The following NKAIN2 variants were observed in gnomAD, a reference collection of about 807,000 sequenced individuals.
NKAIN2 encodes the protein sodium/potassium-transporting ATPase subunit beta-1-interacting protein 2.
Under a neutral mutation model 32.6 loss-of-function variants are expected in NKAIN2, and 14 were observed. That is an observed-to-expected ratio of 0.43 (90% CI 0.28 to 0.67). The LOEUF is 0.67. Ranked by LOEUF, NKAIN2 falls within the 30% of genes least tolerant of loss-of-function variation. NKAIN2 has a pLI of 0.17. For missense variants in NKAIN2, 198 were observed against 258.3 expected (o/e 0.77, Z 1.60); for synonymous variants, 80 against 87.2 (o/e 0.92, Z 0.46).
intron 1 of NKAIN2, among the ~76,000 whole-genome samples, chr6:124,121,174 C>G (rs1338420626): frequency 1.3e-5 from 2 of 151,992 alleles, no homozygotes; most frequent in Non-Finnish European, 2.9e-5. Context: ...CTCACCTTGC[C>G]CTGCCATCTT....
At chr6:124,809,919 C>G (rs1300971304) in intron 5 of NKAIN2, among the ~76,000 whole-genome samples, 2 of 152,106 alleles carry the variant, frequency 1.3e-5, no homozygotes, top group African/African-American at 2.4e-5. Context: ...AAATGCAAAT[C>G]AAAACCACAA....
intron 3 of NKAIN2, among the ~76,000 whole-genome samples, chr6:124,487,637 T>C (rs1172525546): frequency 6.6e-6 from 1 of 152,184 alleles, no homozygotes; most frequent in African/African-American, 2.4e-5. Context: ...TGTCCATTTT[T>C]ATCAAAGGGA....
intron 4 of NKAIN2, among the ~76,000 whole-genome samples, chr6:124,700,567 A>G (rs1028704708): frequency 9.9e-5 from 15 of 152,156 alleles, no homozygotes; most frequent in Non-Finnish European, 1.9e-4. Context: ...TCAAAAATGA[A>G]CTAATAATTA....
rs182603017 is a variant in NKAIN2 at position 124,291,408 on chromosome 6, A to G, written c.192+8266A>G. Among the ~76,000 whole-genome samples the G allele has an allele frequency of 2.9e-3, 440 of 152,170 alleles. 2 individuals carry two copies. Among genetic ancestry groups the G allele is most frequent in the African/African-American group, 0.01 (426 of 41,552 alleles). ...ACTTTGTTGTGGCTCAGAAAATCAT[A>G]TTCAATGTATGGCAATTTTGAATGA... On this transcript the variant is annotated intron_variant, in intron 2 of 6. Coordinates refer to ENST00000368417, the MANE Select transcript of NKAIN2 (RefSeq NM_001040214.3).
intron 4 of NKAIN2, among the ~76,000 whole-genome samples, chr6:124,705,086 G>A (rs1043410507): frequency 4.6e-5 from 7 of 151,978 alleles, no homozygotes; most frequent in Non-Finnish European, 1.0e-4. Flanking sequence ...ATATGGCTTG[G>A]AAAGAAACTA....
chr6:124,294,509 A>G (rs1265644726), intron 2 of NKAIN2, among the ~76,000 whole-genome samples: 2 of 152,200 alleles, frequency 1.3e-5, no homozygotes, highest in Non-Finnish European at 1.5e-5. Context: ...TGACCACACC[A>G]GCAAAACTGA....
intron 1 of NKAIN2, among the ~76,000 whole-genome samples, chr6:123,941,889 C>T (rs1475346441): frequency 6.6e-6 from 1 of 151,840 alleles, no homozygotes; most frequent in Non-Finnish European, 1.5e-5. Context: ...TTACCAATCC[C>T]TTCCCTGCAG....
chr6:123,968,827 A>G (rs566992190), intron 1 of NKAIN2, among the ~76,000 whole-genome samples: 1 of 152,182 alleles, frequency 6.6e-6, no homozygotes, highest in South Asian at 2.1e-4. Context: ...GCCTTCAGTG[A>G]TTGTCCCAGG....
intron 3 of NKAIN2, among the ~76,000 whole-genome samples, chr6:124,505,884 G>GT (rs1360230916): frequency 6.6e-6 from 1 of 152,020 alleles, no homozygotes; most frequent in African/African-American, 2.4e-5. Flanking sequence ...TATTAAGATT[G>GT]TTTCCCGGGC....
intron 2 of NKAIN2, among the ~76,000 whole-genome samples, chr6:124,349,077 A>G (rs1159739311): frequency 6.6e-6 from 1 of 152,058 alleles, no homozygotes; most frequent in Non-Finnish European, 1.5e-5. Context: ...AACTGATTAT[A>G]TTATTGTTGT....
At chr6:124,054,374 C>T (rs952868160) in intron 1 of NKAIN2, among the ~76,000 whole-genome samples, 2 of 152,062 alleles carry the variant, frequency 1.3e-5, no homozygotes, top group African/African-American at 4.8e-5. Context: ...AAGGCTATAA[C>T]AGCAGACATC....
At chr6:123,925,009 A>T (rs1775941765) in intron 1 of NKAIN2, among the ~76,000 whole-genome samples, 2 of 152,140 alleles carry the variant, frequency 1.3e-5, no homozygotes. Context: ...ATATAACTAA[A>T]ACCAAAAACG....
At chr6:124,008,902 C>T (rs1046525103) in intron 1 of NKAIN2, among the ~76,000 whole-genome samples, 5 of 152,130 alleles carry the variant, frequency 3.3e-5, no homozygotes, top group Admixed American at 6.6e-5. Context: ...TAACTGCTAA[C>T]AAACAGTAGA....
chr6:124,696,768 AT>A (rs140409570), intron 4 of NKAIN2, among the ~76,000 whole-genome samples: 11,297 of 138,758 alleles, frequency 0.081, 737 homozygotes, highest in African/African-American at 0.2. Flanking sequence ...AAAAGGATCT[AT>A]TTTTTTTTTT....
At chr6:124,401,077 A>C (rs1007044718) in intron 3 of NKAIN2, among the ~76,000 whole-genome samples, 1 of 152,172 alleles carries the variant, frequency 6.6e-6, no homozygotes, top group Non-Finnish European at 1.5e-5. Flanking sequence ...AAAATCTTAC[A>C]TTTTTAAAAA....
intron 1 of NKAIN2, among the ~76,000 whole-genome samples, chr6:124,170,759 G>T (rs184455592): frequency 6.6e-6 from 1 of 152,192 alleles, no homozygotes; most frequent in East Asian, 1.9e-4. Flanking sequence ...TTTTAGTTCC[G>T]TGGATGTTCC....
rs775149312 is a variant in NKAIN2 at position 124,658,282 on chromosome 6, C to T, written c.370C>T (p.Pro124Ser). The change falls in exon 4 of 7, where the codon CCA becomes TCA. Residue 124 changes from proline to serine, a missense_variant. Coordinates refer to ENST00000368417, the MANE Select transcript of NKAIN2 (RefSeq NM_001040214.3). ...TACGGTGACGTCAGTGACACCTGCC[C>T]CAGACTGGGCCCCAGAAGACCATCG... Reference protein sequence around the residue: ...GCTVTSVTPAPDWAPEDHRYI... With the variant: ...GCTVTSVTPASDWAPEDHRYI... 1.9e-6 allele frequency: 3 copies of T among 1,614,064 alleles called. No individual in the cohort carries two copies. Among genetic ancestry groups the T allele is most frequent in the Non-Finnish European group, 2.5e-6 (3 of 1,180,004 alleles).
intron 2 of NKAIN2, among the ~76,000 whole-genome samples, chr6:124,315,780 A>G (rs1467024764): frequency 6.6e-6 from 1 of 152,140 alleles, no homozygotes; most frequent in Non-Finnish European, 1.5e-5. Context: ...TTATATTGAT[A>G]TTATAGTAAG....
At chr6:124,002,381 C>T (rs1436821954) in intron 1 of NKAIN2, among the ~76,000 whole-genome samples, 3 of 151,974 alleles carry the variant, frequency 2.0e-5, no homozygotes, top group Non-Finnish European at 2.9e-5. Context: ...TGCTGAATCA[C>T]TGAGGAAATT....
Sources: allele counts gnomAD v4.1 joint callset (sites outside exome capture counted in the v4.1 genomes callset), GRCh38; gene constraint gnomAD v4.1.1; transcripts MANE v1.5; gene names NCBI Gene and HGNC (gene_info 2026-07-23, HGNC 2026-07-21).